The following TAFA2 variants were observed in gnomAD, a reference collection of about 807,000 sequenced individuals.
TAFA2 encodes the protein TAFA chemokine like family member 2.
TAFA2 carries 7 observed loss-of-function variants against 18.8 expected under a neutral mutation model. The ratio of observed to expected loss-of-function variants is 0.37; its 90% confidence interval spans 0.21 to 0.70. TAFA2 has a LOEUF of 0.70. Among genes scored for constraint, TAFA2 ranks in the 30% least tolerant of loss-of-function variants. The pLI, the probability that TAFA2 is intolerant of heterozygous loss-of-function variation, is 0.53. For missense variants in TAFA2, 122 were observed against 158.1 expected (o/e 0.77, Z 1.23); for synonymous variants, 60 against 54.2 (o/e 1.11, Z -0.47).
chr12:62,059,606 G>C (rs1882291569), intron 1 of TAFA2, among the ~76,000 whole-genome samples: 1 of 152,126 alleles, frequency 6.6e-6, no homozygotes, highest in African/African-American at 2.4e-5. Flanking sequence ...GGTATTATTT[G>C]AGCAGAAATC....
intron 1 of TAFA2, among the ~76,000 whole-genome samples, chr12:62,093,170 T>G (rs547120931): frequency 6.6e-6 from 1 of 152,178 alleles, no homozygotes; most frequent in East Asian, 1.9e-4. Context: ...ATCTCTGATT[T>G]GTTTGCTTTT....
intron 1 of TAFA2, among the ~76,000 whole-genome samples, chr12:61,996,113 T>A (rs764923217): frequency 1.8e-4 from 27 of 152,074 alleles, no homozygotes; most frequent in Admixed American, 5.2e-4. Context: ...TAAAAATAAA[T>A]GACTATAGGA....
At chr12:61,928,708 A>G (rs950483804) in intron 1 of TAFA2, among the ~76,000 whole-genome samples, 1 of 152,228 alleles carries the variant, frequency 6.6e-6, no homozygotes, top group Non-Finnish European at 1.5e-5. Flanking sequence ...AAAAAGACAC[A>G]TGCACATGTA....
At chr12:62,108,987 G>A (rs974871340) in intron 1 of TAFA2, among the ~76,000 whole-genome samples, 1 of 152,130 alleles carries the variant, frequency 6.6e-6, no homozygotes, top group Admixed American at 6.5e-5. Flanking sequence ...AGTTTAATTA[G>A]ATCCAATTTG....
chr12:62,089,818 CCAAA>C (rs1407926186), intron 1 of TAFA2, among the ~76,000 whole-genome samples: 4 of 152,010 alleles, frequency 2.6e-5, no homozygotes, highest in African/African-American at 9.7e-5. Context: ...AACAGCTGCC[CCAAA>C]CATACTTGAT....
intron 1 of TAFA2, among the ~76,000 whole-genome samples, chr12:62,239,320 C>A (rs2062851437): frequency 6.6e-6 from 1 of 152,172 alleles, no homozygotes; most frequent in African/African-American, 2.4e-5. Context: ...TTGATGTATT[C>A]TTCCTAAGTA....
chr12:62,131,402 G>A lies in TAFA2; in HGVS notation c.-2+59857C>T, dbSNP rs183968016. Among the ~76,000 whole-genome samples the A allele has an allele frequency of 9.2e-5, 14 of 152,118 alleles. No homozygotes were observed. The East Asian group carries it at 2.7e-3, about 29-fold the overall frequency. ...GGATGCCGGGGCAGCGGGTTGCTAT[G>A]TATAATCAATTATTTTGTTAAAACA... is the stretch of plus-strand genomic sequence containing the variant. On this transcript the variant is annotated intron_variant, in intron 1 of 4. Transcript: ENST00000416284.
intron 1 of TAFA2, among the ~76,000 whole-genome samples, chr12:61,992,282 C>A (rs1278315500): frequency 6.6e-6 from 1 of 152,160 alleles, no homozygotes; most frequent in Non-Finnish European, 1.5e-5. Flanking sequence ...CTACTACCAC[C>A]ATATCCCTAA....
intron 2 of TAFA2, among the ~76,000 whole-genome samples, chr12:61,799,740 T>C (rs1871332537): frequency 6.6e-6 from 1 of 152,136 alleles, no homozygotes; most frequent in Admixed American, 6.5e-5. Context: ...AAGAATGGCA[T>C]GAACCCGGGA....
At chr12:61,743,117 T>C (rs1868533468) in intron 4 of TAFA2, among the ~76,000 whole-genome samples, 1 of 152,042 alleles carries the variant, frequency 6.6e-6, no homozygotes, top group East Asian at 1.9e-4. Context: ...CCTCATTACA[T>C]ACTTCCCCTC....
chr12:61,947,126 C>T (rs1293060757), intron 1 of TAFA2, among the ~76,000 whole-genome samples: 1 of 134,084 alleles, frequency 7.5e-6, no homozygotes, highest in African/African-American at 3.0e-5. Flanking sequence ...ACTATGCAGC[C>T]ATAAAAAATG....
intron 1 of TAFA2, among the ~76,000 whole-genome samples, chr12:62,163,192 CAT>C (rs1191460661): frequency 6.6e-6 from 1 of 151,998 alleles, no homozygotes; most frequent in Non-Finnish European, 1.5e-5. Flanking sequence ...AAAGGAGTAA[CAT>C]GACTTTACAA....
intron 4 of TAFA2, among the ~76,000 whole-genome samples, chr12:61,739,025 C>T: frequency 6.6e-6 from 1 of 152,004 alleles, no homozygotes. Context: ...TATACTTGGC[C>T]AGAAACTGTT....
At chr12:61,721,629 C>CTTA (rs1431921150) in intron 4 of TAFA2, among the ~76,000 whole-genome samples, 6 of 152,138 alleles carry the variant, frequency 3.9e-5, no homozygotes, top group Admixed American at 3.9e-4. Context: ...TCAGTTGTAA[C>CTTA]TTATGATATT....
chr12:62,120,273 T>G (rs1870135002), intron 1 of TAFA2, among the ~76,000 whole-genome samples: 1 of 152,168 alleles, frequency 6.6e-6, no homozygotes, highest in Non-Finnish European at 1.5e-5. Flanking sequence ...GTTGACTGAC[T>G]TCAACTACGT....
At chr12:61,838,488 C>T (rs202143752) in intron 2 of TAFA2, among the ~76,000 whole-genome samples, 1 of 151,984 alleles carries the variant, frequency 6.6e-6, no homozygotes, top group African/African-American at 2.4e-5. Context: ...ACAGAAGACA[C>T]TGAAAGAATC....
intron 2 of TAFA2, among the ~76,000 whole-genome samples, chr12:61,830,118 T>C (rs185433485): frequency 2.6e-5 from 4 of 151,542 alleles, no homozygotes; most frequent in African/African-American, 9.7e-5. Context: ...TATCTACCAA[T>C]GGTTGACTGG....
intron 1 of TAFA2, among the ~76,000 whole-genome samples, chr12:61,883,325 AT>A (rs1411085616): frequency 6.6e-6 from 1 of 152,228 alleles, no homozygotes; most frequent in African/African-American, 2.4e-5. Flanking sequence ...TAAAGGCATT[AT>A]TTACTACACA....
At chr12:62,169,429 G>C (rs760678167) in intron 1 of TAFA2, among the ~76,000 whole-genome samples, 1 of 152,176 alleles carries the variant, frequency 6.6e-6, no homozygotes, top group African/African-American at 2.4e-5. Context: ...TGTATTACCT[G>C]GCTCTGCAGG....
Sources: allele counts gnomAD v4.1 joint callset (sites outside exome capture counted in the v4.1 genomes callset), GRCh38; gene constraint gnomAD v4.1.1; transcripts MANE v1.5; gene names NCBI Gene and HGNC (gene_info 2026-07-23, HGNC 2026-07-21).